The following PPFIA3 variants were observed in gnomAD, a reference collection of about 807,000 sequenced individuals.
PPFIA3 encodes the protein PPFI scaffold protein A3.
A neutral mutation model predicts 145.8 loss-of-function variants in PPFIA3; 26 were observed. That is an observed-to-expected ratio of 0.18 (90% CI 0.13 to 0.25). The LOEUF is 0.25. PPFIA3 is among the 10% of genes least tolerant of loss of function. The pLI, the probability that PPFIA3 is intolerant of heterozygous loss-of-function variation, is 1.00. For missense variants in PPFIA3, 1,008 were observed against 1,587.8 expected (o/e 0.63, Z 6.21); for synonymous variants, 645 against 661.4 (o/e 0.98, Z 0.38).
In PPFIA3 at chr19:49,128,560, A is replaced by AT; in HGVS notation, c.342+99dup. 4.1e-6 allele frequency: 5 copies of AT among 1,233,710 alleles called. No individual in the cohort carries two copies. The highest frequency in any genetic ancestry group is 1.3e-5 in the South Asian group (1 of 77,700). 76.4% of individuals were successfully genotyped at this position (1,233,710 alleles called of 1,614,324 possible). A position where few individuals can be genotyped will look rare whatever the true frequency, so the allele number is the denominator to read the frequency against. Reference sequence around the variant, plus strand: ...GCCTCTCAGTGTTGCAGCGTGACCTATTTTTTTCCCCCATCTCGCCTTTCT... The same window carrying AT: ...GCCTCTCAGTGTTGCAGCGTGACCTATTTTTTTTCCCCCATCTCGCCTTTCT... On this transcript the variant is annotated intron_variant, in intron 3 of 29. Transcript: ENST00000334186. The surrounding 1 kb of genome is among the most constrained non-coding windows in gnomAD (Gnocchi z 4.1).
intron 10 of PPFIA3, 24 bp from the exon 11 acceptor site, chr19:49,134,010 C>A (rs371126215): frequency 1.7e-4 from 275 of 1,607,136 alleles, no homozygotes; most frequent in Non-Finnish European, 2.2e-4. Flanking sequence ...GGCTTAACAA[C>A]CCGCCCCGCT....
chr19:49,143,639 T>C (rs1285256308), intron 21 of PPFIA3, among the ~76,000 whole-genome samples: 1 of 152,104 alleles, frequency 6.6e-6, no homozygotes, highest in African/African-American at 2.4e-5. Flanking sequence ...TCCCAAAGTG[T>C]TGAGATTACA....
chr19:49,125,523 C>G (rs570352716), intron 1 of PPFIA3: 2 of 152,526 alleles, frequency 1.3e-5, no homozygotes, highest in African/African-American at 2.4e-5. Context: ...CCAGGCTTCC[C>G]GCCCCAGAAA....
chr19:49,147,972 A>T, intron 23 of PPFIA3, 111 bp from the exon 24 acceptor site: 1 of 1,146,714 alleles, frequency 8.7e-7, no homozygotes, highest in Non-Finnish European at 1.2e-6. Flanking sequence ...TCATTGTCCT[A>T]CCATGGGGTG....
chr19:49,131,650 C>T (rs548526324), intron 7 of PPFIA3, among the ~76,000 whole-genome samples: 26 of 151,176 alleles, frequency 1.7e-4, no homozygotes, highest in African/African-American at 6.3e-4. Flanking sequence ...ATAGCGAGAC[C>T]CCGTCACTAC....
intron 1 of PPFIA3, among the ~76,000 whole-genome samples, chr19:49,123,464 C>T (rs1054331531): frequency 6.7e-6 from 1 of 150,056 alleles, no homozygotes; most frequent in Non-Finnish European, 1.5e-5. Context: ...TTTTTGAGAT[C>T]GAGTCTCACT....
In PPFIA3 at chr19:49,130,448, A is replaced by G; in HGVS notation, c.728A>G (p.Glu243Gly). Residue 243 changes from glutamate to glycine, a missense_variant, in exon 7 of 30, where the codon GAG (glutamate) becomes GGG (glycine). Physicochemically the swap from Glu to Gly is moderately conservative, Grantham distance 98 (BLOSUM62 -2). This residue lies in a region of PPFIA3 where 136 missense variants were observed against 160.7 expected (regional missense o/e 0.85). Transcript: ENST00000334186. The surrounding 1 kb of genome is among the most constrained non-coding windows in gnomAD (Gnocchi z 4.5). ...ACAGCAGAGCTGGAGGAGGCCCTGG[A>G]GCGGCAGCGCGCCGAGGTGTGCCAG... The part of the protein sequence containing the change: ...RRTAELEEAL[E>G]RQRAEVCQLR... The G allele has an allele frequency of 6.2e-7, 1 of 1,609,970 alleles. No homozygotes were observed. The highest frequency in any genetic ancestry group is 1.1e-5 in the South Asian group (1 of 90,218).
In PPFIA3 at chr19:49,149,407, A is replaced by T; in HGVS notation, c.3354+82A>T. The T allele has an allele frequency of 1.3e-6, 2 of 1,590,036 alleles. No individual in the cohort carries two copies. The highest frequency in any genetic ancestry group is 1.7e-6 in the Non-Finnish European group (2 of 1,159,070). The stretch of plus-strand genomic sequence containing the variant: ...GCTGAGGGGGCGGGGCCTGACTATT[A>T]ATGGTCACGGTTGGAGGCGGGGCCA... On this transcript the variant is annotated intron_variant, in intron 27 of 29. Transcript: ENST00000334186. The surrounding 1 kb of genome is among the most constrained non-coding windows in gnomAD (Gnocchi z 5.7).
intron 21 of PPFIA3, chr19:49,145,666 G>A: frequency 2.0e-6 from 1 of 489,222 alleles, no homozygotes; most frequent in Non-Finnish European, 3.7e-6. Context: ...GTACCTCTGT[G>A]TGAGGTCAGC....
At chr19:49,136,662 A>C in intron 14 of PPFIA3, 62 bp from the exon 15 acceptor site, 2 of 1,239,742 alleles carry the variant, frequency 1.6e-6, no homozygotes, top group Non-Finnish European at 2.1e-6. Context: ...TCATGAGCCA[A>C]GACCCAGCGC....
chr19:49,143,374 C>T (rs2041246726), intron 21 of PPFIA3, among the ~76,000 whole-genome samples: 1 of 152,060 alleles, frequency 6.6e-6, no homozygotes, highest in South Asian at 2.1e-4. Flanking sequence ...TTTATCTTTT[C>T]TTTCCTTTTT....
intron 23 of PPFIA3, chr19:49,146,545 C>G (rs1319357613): frequency 5.9e-6 from 2 of 341,544 alleles, no homozygotes; most frequent in Admixed American, 9.0e-5. Context: ...CTCAGTGTAC[C>G]AGGGCCAAGG....
Position 49,134,830 on chromosome 19 carries a change from C to T in PPFIA3, c.1441-6C>T, listed in dbSNP as rs1456980102. On this transcript the variant is annotated splice_polypyrimidine_tract_variant and splice_region_variant and intron_variant, in intron 12 of 29. Coordinates refer to ENST00000334186, the MANE Select transcript of PPFIA3 (RefSeq NM_003660.4). ...CTAACCCGACACCTCCAACACCGGC[C>T]CCCAGGAGCAGCTCTTGGCCGAAAT... 1.9e-6 allele frequency: 3 copies of T among 1,598,348 alleles called. No homozygotes were observed. Among genetic ancestry groups the T allele is most frequent in the Admixed American group, 1.7e-5 (1 of 58,944 alleles).
rs201430206 is a variant in PPFIA3, at chr19:49,130,083, C to T, written c.657+16C>T. ...GGATGGGCAGGTGAGACATGGAAGT[C>T]CCCTCTCCGTGAGCTCCATTCAACT... is the stretch of plus-strand genomic sequence containing the variant. On this transcript the variant is annotated intron_variant, in intron 6 of 29. Transcript: ENST00000334186. This position sits in a 1 kb window ranked among gnomAD's most constrained non-coding sequence, Gnocchi z 4.5. 14 of 1,605,428 alleles carry T rather than the reference C, an allele frequency of 8.7e-6. No individual in the cohort carries two copies. In the African/African-American group the frequency reaches 1.7e-4, roughly 20 times the overall value.
Position 49,133,227 on chromosome 19 carries a change from C to G in PPFIA3, c.1027-10C>G, listed in dbSNP as rs1435748861. ...AGCCCGTCCCCTCCCCCTGCCTCTC[C>G]CTCCCCCAGAGTGAAGAGAAGAGCC... On this transcript the variant is annotated splice_polypyrimidine_tract_variant and intron_variant, in intron 8 of 29. Transcript: ENST00000334186. This position sits in a 1 kb window ranked among gnomAD's most constrained non-coding sequence, Gnocchi z 7.2. The G allele has an allele frequency of 2.5e-6, 4 of 1,597,684 alleles. No homozygotes were observed. The South Asian group carries it at 4.4e-5, about 18-fold the overall frequency.
Position 49,130,944 on chromosome 19 carries a change from C to G in PPFIA3, c.879+345C>G, listed in dbSNP as rs376995130. ...TGGCGTGATCTTGGCTTACTGCCACCTCTGCCTCCCGGGTTCAAGAGATTC... is the reference window on the plus strand; with the variant it reads ...TGGCGTGATCTTGGCTTACTGCCACGTCTGCCTCCCGGGTTCAAGAGATTC... On this transcript the variant is annotated intron_variant, in intron 7 of 29. Coordinates refer to ENST00000334186, the MANE Select transcript of PPFIA3 (RefSeq NM_003660.4). This position sits in a 1 kb window ranked among gnomAD's most constrained non-coding sequence, Gnocchi z 4.5. Among the ~76,000 whole-genome samples the G allele has an allele frequency of 6.6e-6, 1 of 151,758 alleles. No individual in the cohort carries two copies. Among genetic ancestry groups the G allele is most frequent in the East Asian group, 1.9e-4 (1 of 5,182 alleles).
rs190538049 is a variant in PPFIA3 at position 49,135,988 on chromosome 19, C to T, written c.1665+65C>T. On this transcript the variant is annotated intron_variant, in intron 14 of 29. Transcript: ENST00000334186. ...GGGCGGGCAGCTGTAGGAAGTGGAACTAAATCTGTGGGGCTCCGGGAGGAA... is the reference window on the plus strand; with the variant it reads ...GGGCGGGCAGCTGTAGGAAGTGGAATTAAATCTGTGGGGCTCCGGGAGGAA... 13 of 1,449,638 alleles carry T rather than the reference C, an allele frequency of 9.0e-6. No individual in the cohort carries two copies. In the East Asian group the frequency reaches 3.3e-4, roughly 37 times the overall value. The allele number at this position is 1,449,638 out of a possible 1,614,324, so 89.8% of individuals were successfully genotyped here.
At position 49,149,886 on chromosome 19, in the gene PPFIA3, CA is replaced by C; in HGVS notation, c.3526+169del. On this transcript the variant is annotated intron_variant, in intron 28 of 29. Coordinates refer to ENST00000334186, the MANE Select transcript of PPFIA3 (RefSeq NM_003660.4). This position sits in a 1 kb window ranked among gnomAD's most constrained non-coding sequence, Gnocchi z 5.7. ...CCGTCAGGATGAAATGGATAAATCC[CA>C]CTCCCCCTTCCCAGGGCGGGAGTGA... 1 of 1,119,882 alleles carries C rather than the reference CA, an allele frequency of 8.9e-7. No homozygotes were observed. The highest frequency in any genetic ancestry group is 1.3e-6 in the Non-Finnish European group (1 of 799,346). The allele number at this position is 1,119,882 out of a possible 1,614,324, so 69.4% of individuals were successfully genotyped here. A position where few individuals can be genotyped will look rare whatever the true frequency, so the allele number is the denominator to read the frequency against.
chr19:49,142,376 T>G (rs1385014646), intron 20 of PPFIA3, among the ~76,000 whole-genome samples: 1 of 152,098 alleles, frequency 6.6e-6, no homozygotes, highest in East Asian at 1.9e-4. Flanking sequence ...ACTCTCTCTT[T>G]CTGGATTCTC....
Sources: gnomAD v4.1 joint callset for allele counts (sites outside exome capture counted in the v4.1 genomes callset) on GRCh38, gnomAD v4.1.1 for gene constraint, gnomAD v4.1.1 regional missense constraint, Gnocchi (gnomAD v3.1) non-coding constraint, MANE v1.5 for transcripts, NCBI Gene and HGNC (gene_info 2026-07-23, HGNC 2026-07-21) for gene names.